The following SOX5 variants were observed in gnomAD, a reference collection of about 807,000 sequenced individuals.
SOX5 encodes the protein transcription factor SOX-5.
In SOX5, 9 loss-of-function variants were observed where a neutral mutation model predicts 92.0. The observed-to-expected ratio is 0.10, with a 90% CI of 0.06 to 0.17. The LOEUF is 0.17. Among genes scored for constraint, SOX5 ranks in the 10% least tolerant of loss-of-function variants. The pLI is 1.00. For missense variants in SOX5, 642 were observed against 944.5 expected (o/e 0.68, Z 4.20); for synonymous variants, 344 against 336.3 (o/e 1.02, Z -0.25).
At chr12:23,730,342 C>A (rs2093345474) in intron 6 of SOX5, among the ~76,000 whole-genome samples, 1 of 152,112 alleles carries the variant, frequency 6.6e-6, no homozygotes, top group East Asian at 1.9e-4. Flanking sequence ...AAAAAAGTAT[C>A]TTTTAAGTCA....
In SOX5 at chr12:24,508,982, C is replaced by G. The variant is rs543691381; in HGVS notation, c.-251+53347G>C. ...GAGGAAAAGAAAGTTCGGAAATTGC[C>G]CATTCATTGGCCAAAATTGAGGCAC... is the stretch of plus-strand genomic sequence containing the variant. On this transcript the variant is annotated intron_variant, in intron 1 of 4. Coordinates refer to the SOX5 transcript ENST00000446891. Among the ~76,000 whole-genome samples, 4 of 152,118 alleles carry G rather than the reference C, an allele frequency of 2.6e-5. No homozygotes were observed. The South Asian group carries it at 6.2e-4, about 24-fold the overall frequency.
At chr12:23,953,387 A>G (rs1945903399), upstream of SOX5, among the ~76,000 whole-genome samples, 1 of 152,088 alleles carries the variant, frequency 6.6e-6, no homozygotes, top group Non-Finnish European at 1.5e-5. Context: ...TTTTTCAATT[A>G]TCAGAAAAGC....
chr12:24,262,029 G>T (rs1942170850), intron 3 of SOX5, among the ~76,000 whole-genome samples: 1 of 152,148 alleles, frequency 6.6e-6, no homozygotes, highest in African/African-American at 2.4e-5. Context: ...CACCATTTTA[G>T]TAGTGAATGG....
At chr12:23,617,206 A>C (rs917933008) in intron 8 of SOX5, among the ~76,000 whole-genome samples, 1 of 151,928 alleles carries the variant, frequency 6.6e-6, no homozygotes, top group African/African-American at 2.4e-5. Context: ...TCAGAAATGA[A>C]ATTTTCTGCC....
At chr12:24,177,555 A>G (rs965823266) in intron 4 of SOX5, among the ~76,000 whole-genome samples, 2 of 152,174 alleles carry the variant, frequency 1.3e-5, no homozygotes, top group Non-Finnish European at 2.9e-5. Context: ...GAGCCATGCT[A>G]CTATTTTCAT....
At chr12:23,732,740 C>A (rs988185350) in intron 6 of SOX5, among the ~76,000 whole-genome samples, 1 of 152,122 alleles carries the variant, frequency 6.6e-6, no homozygotes, top group African/African-American at 2.4e-5. Context: ...TTTTAAAATT[C>A]TCATACTCCA....
At chr12:23,652,449 A>C (rs918609976) in intron 7 of SOX5, among the ~76,000 whole-genome samples, 1 of 150,490 alleles carries the variant, frequency 6.6e-6, no homozygotes, top group African/African-American at 2.4e-5. Flanking sequence ...ATCCAATCTC[A>C]TGGTTCAGCA....
chr12:23,993,041 A>G (rs1350931103), intron 4 of SOX5, among the ~76,000 whole-genome samples: 1 of 152,214 alleles, frequency 6.6e-6, no homozygotes, highest in Non-Finnish European at 1.5e-5. Context: ...TACTCAGAAG[A>G]TTGAGACAGT....
rs1294201741 is a variant in SOX5 at position 23,533,238 on chromosome 12, T to C, written c.*981A>G. Reference sequence around the variant, plus strand: ...AACGTTATTCCTATTATTAGTACCATAATCACATACATACATACACACAAA... The same window carrying C: ...AACGTTATTCCTATTATTAGTACCACAATCACATACATACATACACACAAA... On this transcript the variant is annotated 3_prime_UTR_variant, in exon 15 of 15. Transcript: ENST00000451604. The C allele has an allele frequency of 2.2e-6, 1 of 454,560 alleles. No homozygotes were observed. The highest frequency in any genetic ancestry group is 1.6e-5 in the South Asian group (1 of 64,260). 28.2% of individuals were successfully genotyped at this position (454,560 alleles called of 1,614,324 possible).
At chr12:23,656,032 A>T (rs992697291) in intron 7 of SOX5, among the ~76,000 whole-genome samples, 1 of 152,120 alleles carries the variant, frequency 6.6e-6, no homozygotes, top group Admixed American at 6.6e-5. Context: ...CACATTTTAC[A>T]ATCTCCTTAT....
chr12:24,199,790 T>C (rs1216112310), intron 4 of SOX5, among the ~76,000 whole-genome samples: 1 of 152,192 alleles, frequency 6.6e-6, no homozygotes, highest in Non-Finnish European at 1.5e-5. Flanking sequence ...CAAAAGACGT[T>C]TGCAATCCAG....
At chr12:23,656,084 G>GA (rs2082268782) in intron 7 of SOX5, among the ~76,000 whole-genome samples, 1 of 152,012 alleles carries the variant, frequency 6.6e-6, no homozygotes, top group Non-Finnish European at 1.5e-5. Flanking sequence ...CCTGAAAGAT[G>GA]AAAAAGATAA....
upstream of SOX5, chr12:23,951,067 A>T: frequency 2.0e-6 from 1 of 503,552 alleles, no homozygotes; most frequent in Non-Finnish European, 3.6e-6. Context: ...GCTACATTAC[A>T]GAGCCCGCCC....
At position 24,235,602 on chromosome 12, in the gene SOX5, A is replaced by T. The variant is rs1964309152; in HGVS notation, c.-76-22185T>A. Among the ~76,000 whole-genome samples, 4 of 152,222 alleles carry T rather than the reference A, an allele frequency of 2.6e-5. 1 individual carries two copies. The South Asian group carries it at 8.3e-4, about 32-fold the overall frequency. Reference sequence around the variant, plus strand: ...TCATAGCCAAATTCATATCATAAATAAGACCCAGAGGAAGGGCAAAACGTT... The same window carrying T: ...TCATAGCCAAATTCATATCATAAATTAGACCCAGAGGAAGGGCAAAACGTT... On this transcript the variant is annotated intron_variant, in intron 3 of 4. Transcript: ENST00000446891.
chr12:23,859,355 T>C (rs1017673854), intron 2 of SOX5, among the ~76,000 whole-genome samples: 2 of 152,110 alleles, frequency 1.3e-5, no homozygotes, highest in Admixed American at 6.6e-5. Flanking sequence ...GCTCTGGGAA[T>C]GTTTGTCTTA....
chr12:23,879,612 A>T, intron 2 of SOX5, among the ~76,000 whole-genome samples: 1 of 152,206 alleles, frequency 6.6e-6, no homozygotes, highest in Admixed American at 6.5e-5. Context: ...ATCTTAAATT[A>T]ATGTATGTTT....
chr12:23,884,641 A>T (rs559483656), intron 2 of SOX5, among the ~76,000 whole-genome samples: 185 of 152,330 alleles, frequency 1.2e-3, no homozygotes, highest in Non-Finnish European at 2.1e-3. Flanking sequence ...AGATTTTAAC[A>T]TTTATATGAG....
At chr12:24,279,831 T>C (rs371762987) in intron 2 of SOX5, among the ~76,000 whole-genome samples, 3 of 152,294 alleles carry the variant, frequency 2.0e-5, no homozygotes, top group African/African-American at 4.8e-5. Flanking sequence ...CAGAAATAAC[T>C]AGGCTGAAAT....
Position 23,575,788 on chromosome 12 carries a change from A to C in SOX5, c.1215T>G (p.Asp405Glu). The change falls in exon 10 of 15, where the codon GAT becomes GAG. Residue 405 changes from aspartate (D) to glutamate (E), a missense_variant. Physicochemically the swap from Asp to Glu is conservative, Grantham distance 45. Transcript: ENST00000451604. ...LNLSAKPKTS[D>E]GKSPTSPTSP... is the part of the protein sequence containing the mutation. ...AGGTGGGTGATGTGGGTGATTTGCC[A>C]TCAGAGGTCTTGGGTTTAGCTGATA... 1 of 1,609,416 alleles carries C rather than the reference A, an allele frequency of 6.2e-7. No individual in the cohort carries two copies.
Sources: allele counts gnomAD v4.1 joint callset (sites outside exome capture counted in the v4.1 genomes callset), GRCh38; gene constraint gnomAD v4.1.1; transcripts MANE v1.5; gene names NCBI Gene and HGNC (gene_info 2026-07-23, HGNC 2026-07-21).